RET: variants seen among roughly 807,000 people sequenced by gnomAD.
The protein encoded by RET is ret proto-oncogene.
RET carries 19 observed loss-of-function variants against 118.3 expected under a neutral mutation model. The observed-to-expected ratio is 0.16, with a 90% CI of 0.11 to 0.24. The LOEUF (loss-of-function observed/expected upper bound fraction) is 0.24, where lower values mean the gene tolerates loss of function less well. Ranked by LOEUF, RET falls within the 10% of genes least tolerant of loss-of-function variation. The pLI is 1.00. For synonymous variants in RET, 597 were observed against 644.1 expected, an observed-to-expected ratio of 0.93 and a Z score of 1.11; for missense variants, 1,219 against 1,502.1, an observed-to-expected ratio of 0.81 and a Z score of 3.12.
intron 2 of RET, among the ~76,000 whole-genome samples, chr10:43,101,945 T>C (rs1296856191): frequency 6.6e-6 from 1 of 152,152 alleles, no homozygotes; most frequent in African/African-American, 2.4e-5. Context: ...TTGCCGGAAA[T>C]GCCCCCTCTA....
chr10:43,090,838 G>A (rs1431049319), intron 1 of RET, among the ~76,000 whole-genome samples: 3 of 149,696 alleles, frequency 2.0e-5, no homozygotes, highest in Non-Finnish European at 4.4e-5. Flanking sequence ...GGCCCTAGCG[G>A]CCCAGCCCTT....
In RET at chr10:43,106,663, C is replaced by T; in HGVS notation, c.1063+92C>T. Reference sequence around the variant, plus strand: ...AAGCAGCACCCTACACACATGCACACCTGGCATGGCCCTCTGTGGCCCAAG... The same window carrying T: ...AAGCAGCACCCTACACACATGCACATCTGGCATGGCCCTCTGTGGCCCAAG... On this transcript the variant is annotated intron_variant, in intron 5 of 19. Coordinates refer to ENST00000355710, the MANE Select transcript of RET (RefSeq NM_020975.6). The surrounding 1 kb of genome is among the most constrained non-coding windows in gnomAD (Gnocchi z 5.1). 7.7e-7 allele frequency: 1 copy of T among 1,305,666 alleles called. No homozygotes were observed. The highest frequency in any genetic ancestry group is 1.1e-6 in the Non-Finnish European group (1 of 929,260). The allele number at this position is 1,305,666 out of a possible 1,614,324, so 80.9% of individuals were successfully genotyped here.
rs1564493381 is a variant in RET, at chr10:43,109,144, T to G, written c.1177T>G (p.Phe393Val). Reference protein sequence around the residue: ...GPGAGVLLLHFNVSVLPVSLH... With the variant: ...GPGAGVLLLHVNVSVLPVSLH... ...AGGAGCGGGCGTCCTCTTGCTCCAC[T>G]TCAACGTGTCGGTGCTGCCGGTCAG... is the stretch of plus-strand genomic sequence containing the variant. Residue 393 changes from phenylalanine to valine, a missense_variant, in exon 6 of 20, where the codon TTC becomes GTC. By Grantham distance (50) the Phe-to-Val change is conservative. Around this residue, in one of 5 missense-constraint regions of RET, gnomAD observed 850 missense variants for 969.6 expected, o/e 0.88. Transcript: ENST00000355710. 1 of 1,613,890 alleles carries G rather than the reference T, an allele frequency of 6.2e-7. No homozygotes were observed. The highest frequency in any genetic ancestry group is 2.2e-5 in the East Asian group (1 of 44,886).
At chr10:43,108,111 C>T (rs752568348) in intron 5 of RET, among the ~76,000 whole-genome samples, 10 of 151,366 alleles carry the variant, frequency 6.6e-5, no homozygotes, top group Admixed American at 1.3e-4. Flanking sequence ...TTAGGGAGAC[C>T]GAGGCGGGTG....
chr10:43,116,527 C>T (rs2132900391), intron 11 of RET, 57 bp from the exon 12 acceptor site: 2 of 1,603,764 alleles, frequency 1.2e-6, no homozygotes, highest in South Asian at 1.1e-5. Flanking sequence ...TTCTTCCTCC[C>T]CTGTCATCCT....
chr10:43,096,202 G>A (rs1277573696), intron 1 of RET, among the ~76,000 whole-genome samples: 1 of 152,040 alleles, frequency 6.6e-6, no homozygotes, highest in African/African-American at 2.4e-5. Context: ...GAGTGGGAGT[G>A]TCTGTCACCA....
Position 43,114,380 on chromosome 10 carries a change from C to A in RET, c.1880-100C>A. 1 of 1,526,834 alleles carries A rather than the reference C, an allele frequency of 6.5e-7. No homozygotes were observed. Among genetic ancestry groups the A allele is most frequent in the Non-Finnish European group, 8.9e-7 (1 of 1,125,410 alleles). The allele number at this position is 1,526,834 out of a possible 1,614,324, so 94.6% of individuals were successfully genotyped here. ...ATGGCCACTTCCCAGCTGGCGCGGA[C>A]ACGGCAGGCTGGAGAGCCATGAGGC... On this transcript the variant is annotated intron_variant, in intron 10 of 19. Coordinates refer to ENST00000355710, the MANE Select transcript of RET (RefSeq NM_020975.6). The surrounding 1 kb of genome is among the most constrained non-coding windows in gnomAD (Gnocchi z 4.6).
Position 43,106,799 on chromosome 10 carries a change from G to A in RET, c.1063+228G>A, listed in dbSNP as rs1837790639. ...ACCTCTCTCCCTGAGCTGATCCATG[G>A]CCGACCCTGGCAGGGCCCCACCACA... is the stretch of plus-strand genomic sequence containing the variant. On this transcript the variant is annotated intron_variant, in intron 5 of 19. Transcript: ENST00000355710. The surrounding 1 kb of genome is among the most constrained non-coding windows in gnomAD (Gnocchi z 5.1). Among the ~76,000 whole-genome samples the A allele has an allele frequency of 6.6e-6, 1 of 152,116 alleles. No individual in the cohort carries two copies. Among genetic ancestry groups the A allele is most frequent in the African/African-American group, 2.4e-5 (1 of 41,414 alleles).
rs1838165300 is a variant in RET at position 43,119,742 on chromosome 10, G to A, written c.2604G>A (p.Met868Ile). The A allele has an allele frequency of 1.2e-6, 2 of 1,613,028 alleles. No individual in the cohort carries two copies. The highest frequency in any genetic ancestry group is 1.7e-6 in the Non-Finnish European group (2 of 1,179,916). Residue 868 changes from methionine (M) to isoleucine (I), a missense_variant, in exon 14 of 20, where the codon ATG becomes ATA. Physicochemically the swap from Met to Ile is conservative, Grantham distance 10. Around this residue, in one of 5 missense-constraint regions of RET, gnomAD observed 73 missense variants for 156.5 expected, o/e 0.47. Transcript: ENST00000355710. The part of the protein sequence containing the change: ...ISQGMQYLAE[M>I]KLVHRDLAAR... Reference sequence around the variant, plus strand: ...AGGGGATGCAGTATCTGGCCGAGATGAAGGTGCGTGCATATGGCTCTGCAC... The same window carrying A: ...AGGGGATGCAGTATCTGGCCGAGATAAAGGTGCGTGCATATGGCTCTGCAC...
chr10:43,083,364 G>A (rs1837226312), intron 1 of RET, among the ~76,000 whole-genome samples: 1 of 152,248 alleles, frequency 6.6e-6, no homozygotes, highest in African/African-American at 2.4e-5. Flanking sequence ...CTTGGTGACA[G>A]GAATGCCCCC....
In RET at chr10:43,121,617, C is replaced by G. The variant is rs7911921; in HGVS notation, c.2731-329C>G. Among the ~76,000 whole-genome samples, 5 of 152,202 alleles carry G rather than the reference C, an allele frequency of 3.3e-5. No homozygotes were observed. In the East Asian group the frequency reaches 5.8e-4, roughly 18 times the overall value. ...TCCCAAACACATTGGCCCTCAGAAC[C>G]CCAGGGGAGATCTTGCAGGGGGAGT... On this transcript the variant is annotated intron_variant, in intron 15 of 19. Transcript: ENST00000355710.
intron 8 of RET, among the ~76,000 whole-genome samples, chr10:43,112,627 C>T (rs770404958): frequency 2.0e-5 from 3 of 152,174 alleles, no homozygotes; most frequent in South Asian, 2.1e-4. Flanking sequence ...GAGAGGGTCC[C>T]GGCCTCTTTG....
intron 4 of RET, 80 bp downstream of exon 4, chr10:43,105,273 G>A: frequency 6.3e-7 from 1 of 1,596,536 alleles, no homozygotes; most frequent in Non-Finnish European, 8.5e-7. Context: ...TAGTGTCCGT[G>A]TAGCCACCCA....
intron 12 of RET, among the ~76,000 whole-genome samples, chr10:43,117,296 T>C (rs1396599458): frequency 6.6e-6 from 1 of 152,248 alleles, no homozygotes. Context: ...ATAACAATTA[T>C]CTGCAGTAGT....
At chr10:43,107,414 C>T (rs1248459542) in intron 5 of RET, among the ~76,000 whole-genome samples, 2 of 152,138 alleles carry the variant, frequency 1.3e-5, no homozygotes, top group Non-Finnish European at 2.9e-5. Context: ...GCATGACTTC[C>T]AGGGCTTGGC....
intron 3 of RET, among the ~76,000 whole-genome samples, chr10:43,103,738 C>A (rs2132692587): frequency 6.6e-6 from 1 of 152,328 alleles, no homozygotes; most frequent in South Asian, 2.1e-4. Context: ...CCCTTTTTCA[C>A]TAAAAATTAT....
intron 8 of RET, 52 bp from the exon 9 acceptor site, chr10:43,112,801 G>T (rs924511962): frequency 1.4e-6 from 2 of 1,425,952 alleles, no homozygotes; most frequent in Admixed American, 1.7e-5. Context: ...GGTGGTGGGG[G>T]CGTGTGGCGG....
intron 1 of RET, 108 bp downstream of exon 1, chr10:43,077,439 C>T (rs1249872340): frequency 2.3e-6 from 3 of 1,327,590 alleles, no homozygotes; most frequent in Non-Finnish European, 2.9e-6. Context: ...GGGCAGCGGG[C>T]TGTGCGGTCG....
At position 43,100,845 on chromosome 10, in the gene RET, G is replaced by A. The variant is rs1053795015; in HGVS notation, c.337+123G>A. 89 of 1,137,140 alleles carry A rather than the reference G, an allele frequency of 7.8e-5. 1 individual carries two copies. Among genetic ancestry groups the A allele is most frequent in the African/African-American group, 4.7e-4 (31 of 65,558 alleles). The allele number at this position is 1,137,140 out of a possible 1,614,324, so 70.4% of individuals were successfully genotyped here. On this transcript the variant is annotated intron_variant, in intron 2 of 19. Coordinates refer to ENST00000355710, the MANE Select transcript of RET (RefSeq NM_020975.6). ...CCCCCCCACCGCTGGTGTGGAAGGC[G>A]TCAGGGGTTAAGTGAGGCTGGCCTG...
Sources: allele counts gnomAD v4.1 joint callset (sites outside exome capture counted in the v4.1 genomes callset), GRCh38; gene constraint gnomAD v4.1.1; regional missense constraint gnomAD v4.1.1; non-coding constraint Gnocchi (gnomAD v3.1); transcripts MANE v1.5; gene names NCBI Gene and HGNC (gene_info 2026-07-23, HGNC 2026-07-21).